CLIP1: variants seen among roughly 807,000 people sequenced by gnomAD.
CLIP1 encodes CAP-Gly domain-containing linker protein 1.
CLIP1 carries 66 observed loss-of-function variants against 161.6 expected under a neutral mutation model. The ratio of observed to expected loss-of-function variants is 0.41; its 90% CI spans 0.33 to 0.50. The LOEUF is 0.50. Ranked by LOEUF, CLIP1 falls within the 20% of genes least tolerant of loss-of-function variation. The pLI is 0.27. For missense variants in CLIP1, 1,376 were observed against 1,702.0 expected, an observed-to-expected ratio of 0.81 and a Z score of 3.37; for synonymous variants, 598 against 626.2, an observed-to-expected ratio of 0.96 and a Z score of 0.67.
chr12:122,357,356 G>A (rs938276934), intron 5 of CLIP1, among the ~76,000 whole-genome samples: 1 of 150,858 alleles, frequency 6.6e-6, no homozygotes, highest in Non-Finnish European at 1.5e-5. Flanking sequence ...GAGACCCTCC[G>A]CCTGGCAACC....
intron 20 of CLIP1, among the ~76,000 whole-genome samples, chr12:122,293,524 G>A (rs1302883244): frequency 2.0e-5 from 3 of 150,890 alleles, no homozygotes; most frequent in Non-Finnish European, 4.4e-5. Context: ...TGTTGCCCAC[G>A]CTGGATTGCA....
chr12:122,286,518 C>CT (rs1339307747), intron 21 of CLIP1, among the ~76,000 whole-genome samples: 4 of 47,828 alleles, frequency 8.4e-5, no homozygotes, highest in African/African-American at 2.6e-4. Flanking sequence ...AAGACTCTGT[C>CT]TTAAAAAAAA....
At chr12:122,356,808 T>C (rs1310336429) in intron 5 of CLIP1, among the ~76,000 whole-genome samples, 1 of 152,208 alleles carries the variant, frequency 6.6e-6, no homozygotes, top group Non-Finnish European at 1.5e-5. Context: ...TGACTGGTTT[T>C]CGTATTTTTT....
chr12:122,344,525 T>C (rs540847646), intron 10 of CLIP1, among the ~76,000 whole-genome samples: 1 of 152,158 alleles, frequency 6.6e-6, no homozygotes, highest in South Asian at 2.1e-4. Context: ...GCAATGGTTC[T>C]TAGTTACAAC....
At chr12:122,298,519 G>A (rs1276296036) in intron 20 of CLIP1, among the ~76,000 whole-genome samples, 2 of 150,122 alleles carry the variant, frequency 1.3e-5, no homozygotes, top group African/African-American at 4.9e-5. Context: ...CAGAAGAACT[G>A]CTTGAACCCA....
intron 3 of CLIP1, among the ~76,000 whole-genome samples, chr12:122,373,564 GTT>G (rs1222916436): frequency 6.6e-6 from 1 of 150,672 alleles, no homozygotes; most frequent in Non-Finnish European, 1.5e-5. Context: ...CTTGTATACT[GTT>G]TGTGGAAACA....
chr12:122,407,903 TAC>T (rs1439323692), intron 1 of CLIP1, among the ~76,000 whole-genome samples: 19 of 151,546 alleles, frequency 1.3e-4, no homozygotes, highest in Non-Finnish European at 2.8e-4. Context: ...AAGAAAAGGG[TAC>T]AAAGACAACT....
At chr12:122,371,936 A>G (rs932755460) in intron 3 of CLIP1, among the ~76,000 whole-genome samples, 1 of 152,216 alleles carries the variant, frequency 6.6e-6, no homozygotes, top group African/African-American at 2.4e-5. Flanking sequence ...CCTCCTGGAC[A>G]ACCCTAAAAG....
intron 24 of CLIP1, chr12:122,275,689 G>C (rs1171061793): frequency 6.8e-6 from 1 of 147,400 alleles, no homozygotes; most frequent in Non-Finnish European, 1.5e-5. Flanking sequence ...GCATAAAAAG[G>C]TTAGTTCTTC....
intron 1 of CLIP1, among the ~76,000 whole-genome samples, chr12:122,387,700 A>C (rs1955388762): frequency 6.8e-6 from 1 of 147,636 alleles, no homozygotes; most frequent in African/African-American, 2.5e-5. Flanking sequence ...CCTGGACTCA[A>C]GCCATCCTCC....
chr12:122,387,566 A>G (rs1593220339), intron 1 of CLIP1, among the ~76,000 whole-genome samples: 3 of 74,290 alleles, frequency 4.0e-5, no homozygotes, highest in South Asian at 5.4e-4. Context: ...ATATATATAT[A>G]TATATATATA....
intron 1 of CLIP1, among the ~76,000 whole-genome samples, chr12:122,405,159 A>C (rs1259720253): frequency 6.6e-6 from 1 of 152,164 alleles, no homozygotes. Context: ...ATGACTATTT[A>C]TAAGCACCAA....
At chr12:122,384,388 G>A (rs1955143217) in intron 1 of CLIP1, among the ~76,000 whole-genome samples, 2 of 152,158 alleles carry the variant, frequency 1.3e-5, no homozygotes, top group Non-Finnish European at 2.9e-5. Context: ...AGGTAGGTGT[G>A]CAATTACCAT....
chr12:122,323,911 C>T lies in CLIP1; in HGVS notation c.3249+4036G>A, dbSNP rs1231252437. The T allele has an allele frequency of 1.3e-5, 2 of 152,570 alleles. No individual in the cohort carries two copies. Among genetic ancestry groups the T allele is most frequent in the East Asian group, 3.9e-4 (2 of 5,188 alleles). The allele number at this position is 152,570 out of a possible 1,614,324, so 9.5% of individuals were successfully genotyped here. On this transcript the variant is annotated intron_variant, in intron 17 of 25. Transcript: ENST00000620786. The surrounding 1 kb of genome is among the most constrained non-coding windows in gnomAD (Gnocchi z 4.1). Reference sequence around the variant, plus strand: ...GGTCCTCCAGGTGATCTTTTTCTTCCTGGTCCTTCTCAGTCTTAGCAATCA... The same window carrying T: ...GGTCCTCCAGGTGATCTTTTTCTTCTTGGTCCTTCTCAGTCTTAGCAATCA...
At chr12:122,415,224 G>A (rs1956698450) in intron 1 of CLIP1, among the ~76,000 whole-genome samples, 1 of 152,144 alleles carries the variant, frequency 6.6e-6, no homozygotes, top group Non-Finnish European at 1.5e-5. Flanking sequence ...GCTCACGCCT[G>A]TAATCCCAGC....
In CLIP1 at chr12:122,309,849, G is replaced by C; in HGVS notation, c.3507C>G (p.Ser1169=). ...CTTCTTGCAACGCTGAAAGCTGCTGGGACTTCTGAGCTGCTGCCTGCTTTA... is the reference window on the plus strand; with the variant it reads ...CTTCTTGCAACGCTGAAAGCTGCTGCGACTTCTGAGCTGCTGCCTGCTTTA... ...ETLKQAAAQK[S]QQLSALQEEN... is the part of the protein sequence containing the mutation. The change falls in exon 20 of 26, where the codon TCC becomes TCG. Residue 1169 remains serine, a synonymous_variant. Coordinates refer to ENST00000620786, the MANE Select transcript of CLIP1 (RefSeq NM_001247997.2). 6.2e-7 allele frequency: 1 copy of C among 1,613,998 alleles called. No homozygotes were observed. Among genetic ancestry groups the C allele is most frequent in the South Asian group, 1.1e-5 (1 of 91,076 alleles).
intron 1 of CLIP1, among the ~76,000 whole-genome samples, chr12:122,408,387 C>T (rs913354848): frequency 3.9e-5 from 6 of 151,918 alleles, no homozygotes; most frequent in African/African-American, 9.7e-5. Flanking sequence ...CTCACTCTGT[C>T]GCCCAGGCTG....
At chr12:122,308,303 A>T (rs61954395) in intron 20 of CLIP1, among the ~76,000 whole-genome samples, 10,233 of 152,330 alleles carry the variant, frequency 0.067, 363 homozygotes, top group Middle Eastern at 0.13. Flanking sequence ...AGAGATGTTC[A>T]ATGAAATGAC....
In CLIP1 at chr12:122,355,308, G is replaced by A; in HGVS notation, c.1010C>T (p.Thr337Ile). 1.2e-6 allele frequency: 2 copies of A among 1,613,702 alleles called. No homozygotes were observed. Among genetic ancestry groups the A allele is most frequent in the Non-Finnish European group, 1.7e-6 (2 of 1,179,714 alleles). The change falls in exon 6 of 26, where the codon ACT (threonine) becomes ATT (isoleucine). Residue 337 changes from threonine (T) to isoleucine (I), a missense_variant. Transcript: ENST00000620786. This position sits in a 1 kb window ranked among gnomAD's most constrained non-coding sequence, Gnocchi z 4.1. ...SSRPSRTGLLTETSSRYARKI... is the reference protein window; with the variant it reads ...SSRPSRTGLLIETSSRYARKI... ...CCTGGCGTAACGGGAGGAGGTTTCA[G>A]TCAACTGTAAAGGAAAGTTAGAGAA...
Sources: gnomAD v4.1 joint callset for allele counts (sites outside exome capture counted in the v4.1 genomes callset) on GRCh38, gnomAD v4.1.1 for gene constraint, Gnocchi (gnomAD v3.1) non-coding constraint, MANE v1.5 for transcripts, NCBI Gene and HGNC (gene_info 2026-07-23, HGNC 2026-07-21) for gene names.